Variants in SMOC2 observed in about 807,000 individuals in gnomAD.
SMOC2 encodes the protein SPARC-related modular calcium-binding protein 2.
SMOC2 carries 39 observed loss-of-function variants against 61.4 expected under a neutral mutation model. The ratio of observed to expected loss-of-function variants is 0.64; its 90% CI spans 0.49 to 0.83. The LOEUF (loss-of-function observed/expected upper bound fraction) is 0.83, where lower values mean the gene tolerates loss of function less well. Among genes scored for constraint, SMOC2 ranks in the 40% least tolerant of loss-of-function variants. SMOC2 has a pLI of 0.00. For missense variants in SMOC2, 556 were observed against 592.9 expected, an observed-to-expected ratio of 0.94 and a Z score of 0.65; for synonymous variants, 247 against 239.9, an observed-to-expected ratio of 1.03 and a Z score of -0.27.
chr6:168,516,908 C>A (rs981993991), intron 2 of SMOC2, among the ~76,000 whole-genome samples: 1 of 152,090 alleles, frequency 6.6e-6, no homozygotes, highest in African/African-American at 2.4e-5. Flanking sequence ...GAGCCCAGAT[C>A]GTGCCATTGC....
chr6:168,546,160 G>A (rs747212607), intron 5 of SMOC2, among the ~76,000 whole-genome samples: 5 of 145,106 alleles, frequency 3.4e-5, no homozygotes, highest in African/African-American at 1.0e-4. Context: ...AGTTATCTAC[G>A]TAAGCCTTGT....
At chr6:168,491,478 G>A (rs1782470099) in intron 1 of SMOC2, among the ~76,000 whole-genome samples, 1 of 152,124 alleles carries the variant, frequency 6.6e-6, no homozygotes, top group Non-Finnish European at 1.5e-5. Flanking sequence ...GTCTCATGAT[G>A]ATGTCACCCA....
chr6:168,543,606 C>A lies in SMOC2; in HGVS notation c.464-19C>A, dbSNP rs1424296136. 6.2e-7 allele frequency: 1 copy of A among 1,610,316 alleles called. No homozygotes were observed. Among genetic ancestry groups the A allele is most frequent in the Non-Finnish European group, 8.5e-7 (1 of 1,177,068 alleles). On this transcript the variant is annotated intron_variant, in intron 4 of 12. Transcript: ENST00000356284. ...GAGTCCAAAATAATTTCATTTCACT[C>A]CTTATTTTCCTCTTTTAGGTTCCGT...
intron 7 of SMOC2, among the ~76,000 whole-genome samples, chr6:168,581,742 T>A (rs1784923809): frequency 6.6e-6 from 1 of 152,150 alleles, no homozygotes; most frequent in Admixed American, 6.5e-5. Flanking sequence ...TGTGAATGAT[T>A]CCACTGAAAA....
intron 9 of SMOC2, among the ~76,000 whole-genome samples, chr6:168,627,780 G>A (rs977044560): frequency 2.6e-5 from 4 of 152,180 alleles, no homozygotes; most frequent in African/African-American, 9.7e-5. Flanking sequence ...AGCTGTGAGG[G>A]CACGTGCAAG....
At chr6:168,647,927 G>A (rs1787085307) in intron 9 of SMOC2, among the ~76,000 whole-genome samples, 1 of 152,016 alleles carries the variant, frequency 6.6e-6, no homozygotes, top group South Asian at 2.1e-4. Flanking sequence ...TGCTTTTTAT[G>A]TTCAGTTTTT....
chr6:168,576,458 C>T (rs1784807243), intron 7 of SMOC2, among the ~76,000 whole-genome samples: 1 of 152,090 alleles, frequency 6.6e-6, no homozygotes, highest in Non-Finnish European at 1.5e-5. Flanking sequence ...TTCCAGAGTG[C>T]AAGGCCAGAG....
At chr6:168,551,994 C>A (rs867459830) in intron 7 of SMOC2, among the ~76,000 whole-genome samples, 10 of 152,116 alleles carry the variant, frequency 6.6e-5, no homozygotes, top group African/African-American at 1.9e-4. Context: ...ACAGAAGTTA[C>A]CTTACACTAT....
At chr6:168,519,203 A>G (rs1052525389) in intron 2 of SMOC2, among the ~76,000 whole-genome samples, 2 of 125,120 alleles carry the variant, frequency 1.6e-5, no homozygotes, top group Admixed American at 8.2e-5. Context: ...ATGTGTGTGT[A>G]TGCATGCGTG....
chr6:168,571,643 T>A (rs909141616), intron 7 of SMOC2, among the ~76,000 whole-genome samples: 1 of 152,176 alleles, frequency 6.6e-6, no homozygotes, highest in African/African-American at 2.4e-5. Flanking sequence ...TAGGGACACT[T>A]CCATGAGGAA....
chr6:168,467,398 C>A (rs546209314), intron 1 of SMOC2, among the ~76,000 whole-genome samples: 2 of 152,154 alleles, frequency 1.3e-5, no homozygotes, highest in Admixed American at 6.5e-5. Flanking sequence ...CCTCCACCTC[C>A]TGGTTTCAAG....
At chr6:168,549,086 C>T (rs181847429) in intron 6 of SMOC2, 43 bp from the exon 7 acceptor site, 44 of 1,524,988 alleles carry the variant, frequency 2.9e-5, no homozygotes, top group Non-Finnish European at 3.6e-5. Context: ...ATTGTGCTTT[C>T]GTGATGAATT....
chr6:168,660,653 T>C (rs1200900308), intron 11 of SMOC2, among the ~76,000 whole-genome samples: 1 of 152,160 alleles, frequency 6.6e-6, no homozygotes, highest in Non-Finnish European at 1.5e-5. Flanking sequence ...TCAGCACAGG[T>C]CTTGGGAAGA....
intron 9 of SMOC2, among the ~76,000 whole-genome samples, chr6:168,639,472 C>T (rs1235694463): frequency 1.3e-5 from 2 of 152,144 alleles, no homozygotes; most frequent in Non-Finnish European, 2.9e-5. Context: ...CTGGGATAAC[C>T]GTCAACTCCA....
intron 7 of SMOC2, 123 bp from the exon 8 acceptor site, chr6:168,598,695 T>A (rs1310876749): frequency 9.4e-6 from 11 of 1,172,022 alleles, no homozygotes; most frequent in Non-Finnish European, 1.4e-5. Context: ...TGGCAGGCCC[T>A]CCTGCTCCGG....
chr6:168,647,108 A>C (rs897685196), intron 9 of SMOC2, among the ~76,000 whole-genome samples: 1 of 152,190 alleles, frequency 6.6e-6, no homozygotes, highest in Non-Finnish European at 1.5e-5. Flanking sequence ...CCTTCGTGCT[A>C]TGCCTCTGTT....
intron 1 of SMOC2, among the ~76,000 whole-genome samples, chr6:168,501,498 C>A (rs958478480): frequency 6.6e-6 from 1 of 152,064 alleles, no homozygotes; most frequent in African/African-American, 2.4e-5. Context: ...GGGCCAGGAA[C>A]CTGCATCATC....
intron 7 of SMOC2, among the ~76,000 whole-genome samples, chr6:168,587,674 G>A (rs187509823): frequency 2.6e-5 from 4 of 152,346 alleles, no homozygotes; most frequent in Admixed American, 2.6e-4. Flanking sequence ...TCTCAGGTGA[G>A]CTGCTGAGGG....
intron 9 of SMOC2, among the ~76,000 whole-genome samples, chr6:168,626,389 C>T (rs2115241136): frequency 6.6e-6 from 1 of 152,304 alleles, no homozygotes; most frequent in East Asian, 1.9e-4. Flanking sequence ...GAGATTTCTG[C>T]AGGCACAGCT....
Sources: gnomAD v4.1 joint callset for allele counts (sites outside exome capture counted in the v4.1 genomes callset) on GRCh38, gnomAD v4.1.1 for gene constraint, MANE v1.5 for transcripts, NCBI Gene and HGNC (gene_info 2026-07-23, HGNC 2026-07-21) for gene names.